Variants in SUCLG2 observed in about 807,000 individuals in gnomAD.
SUCLG2 encodes succinate--CoA ligase [GDP-forming] subunit beta, mitochondrial.
Under a neutral mutation model 47.9 loss-of-function variants are expected in SUCLG2, and 42 were observed. The observed-to-expected ratio is 0.88, with a 90% CI of 0.69 to 1.14. The LOEUF (loss-of-function observed/expected upper bound fraction) is 1.14, where lower values mean the gene tolerates loss of function less well. SUCLG2 is among the 50% of genes most tolerant of loss of function. The pLI is 0.00. For missense variants in SUCLG2, 571 were observed against 525.9 expected (o/e 1.09, Z -0.84); for synonymous variants, 195 against 197.3 (o/e 0.99, Z 0.10).
At chr3:67,470,671 C>G (rs900930822) in intron 9 of SUCLG2, among the ~76,000 whole-genome samples, 2 of 152,146 alleles carry the variant, frequency 1.3e-5, no homozygotes, top group African/African-American at 4.8e-5. Context: ...ACAAGTAGGC[C>G]CTAACCAGAT....
intron 10 of SUCLG2, among the ~76,000 whole-genome samples, chr3:67,400,396 G>T (rs1001536755): frequency 6.6e-6 from 1 of 151,888 alleles, no homozygotes; most frequent in Non-Finnish European, 1.5e-5. Flanking sequence ...AGCTTTTTGG[G>T]ATCCTCAGTT....
intron 1 of SUCLG2, among the ~76,000 whole-genome samples, chr3:67,613,738 A>T (rs984105199): frequency 3.3e-5 from 5 of 152,206 alleles, no homozygotes; most frequent in Non-Finnish European, 7.3e-5. Flanking sequence ...CCATGTTACA[A>T]ATTAGGAAAC....
intron 10 of SUCLG2, among the ~76,000 whole-genome samples, chr3:67,385,526 G>T (rs562016466): frequency 7.2e-5 from 11 of 152,346 alleles, no homozygotes; most frequent in African/African-American, 2.6e-4. Context: ...AAGTTGGCAT[G>T]GGTAGTCCCG....
chr3:67,603,073 G>A (rs1708455090), intron 2 of SUCLG2, among the ~76,000 whole-genome samples: 1 of 152,194 alleles, frequency 6.6e-6, no homozygotes, highest in Non-Finnish European at 1.5e-5. Context: ...ACCTCTCATG[G>A]ACCACATATG....
chr3:67,408,977 C>T (rs894944037), intron 9 of SUCLG2: 40 of 1,535,120 alleles, frequency 2.6e-5, no homozygotes, highest in Admixed American at 5.9e-5. Flanking sequence ...GCTTCAAGAA[C>T]GTGCTTCTGA....
At chr3:67,535,846 C>A (rs1294438442) in intron 2 of SUCLG2, among the ~76,000 whole-genome samples, 1 of 152,178 alleles carries the variant, frequency 6.6e-6, no homozygotes, top group African/African-American at 2.4e-5. Flanking sequence ...GTGCAAACTC[C>A]TCTTTTAGTC....
At chr3:67,599,757 A>G (rs1285980984) in intron 2 of SUCLG2, among the ~76,000 whole-genome samples, 1 of 151,948 alleles carries the variant, frequency 6.6e-6, no homozygotes, top group African/African-American at 2.4e-5. Context: ...GCTCACATTT[A>G]ATTTGAGAGA....
intron 9 of SUCLG2, among the ~76,000 whole-genome samples, chr3:67,476,197 C>T: frequency 6.6e-6 from 1 of 151,962 alleles, no homozygotes; most frequent in Admixed American, 6.6e-5. Context: ...AGTACTGGTC[C>T]ATGGCCTGTT....
intron 1 of SUCLG2, among the ~76,000 whole-genome samples, chr3:67,646,242 A>T (rs1376178105): frequency 2.0e-5 from 3 of 152,148 alleles, no homozygotes; most frequent in African/African-American, 7.2e-5. Flanking sequence ...AGGCCTCCCG[A>T]CTTCAGCCAC....
chr3:67,421,916 G>C (rs533817086), intron 9 of SUCLG2, among the ~76,000 whole-genome samples: 12 of 152,296 alleles, frequency 7.9e-5, no homozygotes, highest in African/African-American at 2.9e-4. Context: ...CGGTTATGTT[G>C]AGGAGCAGGA....
intron 9 of SUCLG2, among the ~76,000 whole-genome samples, chr3:67,451,015 T>C (rs1394199967): frequency 6.6e-6 from 1 of 152,210 alleles, no homozygotes; most frequent in Non-Finnish European, 1.5e-5. Flanking sequence ...GCTTATCTCA[T>C]AAAACCCTTA....
intron 10 of SUCLG2, among the ~76,000 whole-genome samples, chr3:67,369,545 G>C (rs1390126665): frequency 6.6e-6 from 1 of 152,194 alleles, no homozygotes; most frequent in Non-Finnish European, 1.5e-5. Flanking sequence ...GTGTGCCATT[G>C]GTGGAAATGT....
chr3:67,495,776 T>G (rs1351565753), intron 9 of SUCLG2, 22 bp downstream of exon 9: 1 of 1,611,702 alleles, frequency 6.2e-7, no homozygotes, highest in African/African-American at 1.3e-5. Flanking sequence ...GCATATAATC[T>G]CCCTACAAAG....
chr3:67,400,993 T>G (rs1702671772), intron 9 of SUCLG2, 142 bp from the exon 10 acceptor site: 1 of 1,214,698 alleles, frequency 8.2e-7, no homozygotes, highest in African/African-American at 1.6e-5. Context: ...AATACAAAAA[T>G]GGCCCAGAAC....
At chr3:67,598,595 G>C (rs1054395849) in intron 2 of SUCLG2, among the ~76,000 whole-genome samples, 1 of 152,120 alleles carries the variant, frequency 6.6e-6, no homozygotes, top group Admixed American at 6.5e-5. Flanking sequence ...GAAAAGTATC[G>C]TGTGAAAGGT....
chr3:67,417,684 A>G (rs1575681796), intron 9 of SUCLG2, among the ~76,000 whole-genome samples: 1 of 152,162 alleles, frequency 6.6e-6, no homozygotes, highest in Non-Finnish European at 1.5e-5. Flanking sequence ...GATTTAACAC[A>G]TAACCCACAG....
intron 2 of SUCLG2, among the ~76,000 whole-genome samples, chr3:67,568,835 C>T (rs941339595): frequency 1.3e-5 from 2 of 151,908 alleles, no homozygotes; most frequent in Admixed American, 6.6e-5. Flanking sequence ...TGCAGTGAGC[C>T]GAGATCGCGC....
chr3:67,600,655 G>T (rs557764320), intron 2 of SUCLG2, among the ~76,000 whole-genome samples: 3 of 152,144 alleles, frequency 2.0e-5, no homozygotes, highest in Non-Finnish European at 4.4e-5. Context: ...AGCATGGATT[G>T]AAACTGTATT....
At chr3:67,638,970 A>G (rs1227278131) in intron 1 of SUCLG2, among the ~76,000 whole-genome samples, 5 of 152,198 alleles carry the variant, frequency 3.3e-5, no homozygotes, top group African/African-American at 7.2e-5. Context: ...AGTTTAAGAA[A>G]ATAAGAAAAA....
Sources: allele counts gnomAD v4.1 joint callset (sites outside exome capture counted in the v4.1 genomes callset), GRCh38; gene constraint gnomAD v4.1.1; transcripts MANE v1.5; gene names NCBI Gene and HGNC (gene_info 2026-07-23, HGNC 2026-07-21).